CPM: variants seen among roughly 807,000 people sequenced by gnomAD.
CPM encodes renal carboxypeptidase.
Under a neutral mutation model 46.4 loss-of-function variants are expected in CPM, and 35 were observed. The ratio of observed to expected loss-of-function variants is 0.75; its 90% CI spans 0.58 to 1.00. The LOEUF (loss-of-function observed/expected upper bound fraction) is 1.00, where lower values mean the gene tolerates loss of function less well. Ranked by LOEUF, CPM falls within the 50% of genes least tolerant of loss-of-function variation. The pLI is 0.00. For missense variants in CPM, 422 were observed against 530.4 expected (o/e 0.80, Z 2.01); for synonymous variants, 195 against 195.3 (o/e 1.00, Z 0.01).
At chr12:68,940,458 C>A (rs1001545358) in intron 1 of CPM, among the ~76,000 whole-genome samples, 1 of 149,772 alleles carries the variant, frequency 6.7e-6, no homozygotes, top group East Asian at 1.9e-4. Flanking sequence ...CTCCCTCCCC[C>A]AGATTTATAT....
chr12:68,918,635 T>TCCAATCCAACCCAAC, intron 2 of CPM, among the ~76,000 whole-genome samples: 1 of 152,206 alleles, frequency 6.6e-6, no homozygotes, highest in South Asian at 2.1e-4. Flanking sequence ...TCCAATCCAA[T>TCCAATCCAACCCAAC]CCAATCCAAC....
At chr12:68,953,172 T>A (rs886950283) in intron 1 of CPM, among the ~76,000 whole-genome samples, 3 of 152,152 alleles carry the variant, frequency 2.0e-5, no homozygotes, top group African/African-American at 7.2e-5. Flanking sequence ...GGCTCGATAT[T>A]AGAAAGGAGC....
chr12:68,876,886 G>A (rs1795478), intron 3 of CPM, among the ~76,000 whole-genome samples: 7,396 of 135,966 alleles, frequency 0.054, 400 homozygotes, highest in African/African-American at 0.15. Flanking sequence ...GTGTGTGCAC[G>A]CGCATGCGTG....
chr12:68,917,768 C>CT (rs1301123766), intron 2 of CPM, among the ~76,000 whole-genome samples: 2 of 152,190 alleles, frequency 1.3e-5, no homozygotes, highest in Non-Finnish European at 2.9e-5. Context: ...AGTTTGGGGT[C>CT]TGCATCCTGG....
At chr12:68,953,827 G>A (rs1032312257) in intron 1 of CPM, among the ~76,000 whole-genome samples, 2 of 152,210 alleles carry the variant, frequency 1.3e-5, no homozygotes, top group Admixed American at 6.5e-5. Context: ...TTTGTGACAA[G>A]TGAAATAAAA....
chr12:68,862,755 G>C (rs749709783), intron 7 of CPM, among the ~76,000 whole-genome samples: 11 of 151,078 alleles, frequency 7.3e-5, no homozygotes, highest in Non-Finnish European at 1.3e-4. Flanking sequence ...GGAAGTAATT[G>C]TTTTACCAGA....
chr12:68,939,326 T>C (rs1188658276), intron 1 of CPM, among the ~76,000 whole-genome samples: 1 of 147,862 alleles, frequency 6.8e-6, no homozygotes, highest in Non-Finnish European at 1.5e-5. Flanking sequence ...TATATACATA[T>C]TGTATTTATA....
intron 6 of CPM, among the ~76,000 whole-genome samples, chr12:68,868,012 T>G (rs1885531129): frequency 6.6e-6 from 1 of 152,180 alleles, no homozygotes; most frequent in Non-Finnish European, 1.5e-5. Context: ...TGGCTTCACC[T>G]GTTTTTTGTC....
At chr12:68,911,502 G>A (rs538763442) in intron 2 of CPM, among the ~76,000 whole-genome samples, 44 of 152,158 alleles carry the variant, frequency 2.9e-4, no homozygotes, top group Admixed American at 4.6e-4. Context: ...ACCTCATAGG[G>A]TGTTGTGTAG....
At chr12:68,917,554 T>C (rs1228415910) in intron 2 of CPM, among the ~76,000 whole-genome samples, 1 of 152,232 alleles carries the variant, frequency 6.6e-6, no homozygotes, top group Non-Finnish European at 1.5e-5. Flanking sequence ...ACATAGCCAG[T>C]ATGTTTTACT....
intron 8 of CPM, 55 bp downstream of exon 8, chr12:68,858,867 TA>T (rs1227770652): frequency 8.9e-7 from 1 of 1,123,774 alleles, no homozygotes; most frequent in Non-Finnish European, 1.2e-6. Context: ...TCTGGGTGAA[TA>T]AGTATTATGA....
intron 7 of CPM, among the ~76,000 whole-genome samples, chr12:68,864,299 C>T (rs966100376): frequency 3.9e-5 from 6 of 152,016 alleles, no homozygotes; most frequent in East Asian, 1.9e-4. Context: ...CAAAATTAGC[C>T]GGGCATGATG....
At chr12:68,947,919 T>A (rs971527317) in intron 1 of CPM, among the ~76,000 whole-genome samples, 1 of 152,144 alleles carries the variant, frequency 6.6e-6, no homozygotes, top group Non-Finnish European at 1.5e-5. Context: ...TCAACCCATT[T>A]CTAGCATACC....
chr12:68,863,915 C>T (rs1161251851), intron 7 of CPM, among the ~76,000 whole-genome samples: 1 of 152,184 alleles, frequency 6.6e-6, no homozygotes, highest in Non-Finnish European at 1.5e-5. Context: ...TGCCATTCTT[C>T]ACAAACAAAA....
chr12:68,871,416 C>A (rs3817605), intron 4 of CPM, among the ~76,000 whole-genome samples: 2 of 151,682 alleles, frequency 1.3e-5, no homozygotes, highest in Non-Finnish European at 2.9e-5. Context: ...TATGACAGGT[C>A]GAGAGAAAGA....
chr12:68,949,108 C>T (rs1992638), intron 1 of CPM, among the ~76,000 whole-genome samples: 8,352 of 152,234 alleles, frequency 0.055, 750 homozygotes, highest in African/African-American at 0.19. Flanking sequence ...TCTGGGCTCA[C>T]ACCTGTAATC....
At chr12:68,944,316 A>G (rs1348178639) in intron 1 of CPM, among the ~76,000 whole-genome samples, 2 of 152,230 alleles carry the variant, frequency 1.3e-5, no homozygotes, top group Non-Finnish European at 2.9e-5. Flanking sequence ...GAAAGATGAT[A>G]CAGAGATAAG....
intron 2 of CPM, among the ~76,000 whole-genome samples, chr12:68,916,996 T>C (rs1271756021): frequency 6.6e-6 from 1 of 152,172 alleles, no homozygotes; most frequent in Non-Finnish European, 1.5e-5. Flanking sequence ...ATCTGTCATT[T>C]TCCTATCAAG....
At chr12:68,942,811 A>G (rs1043080133) in intron 1 of CPM, among the ~76,000 whole-genome samples, 2 of 152,336 alleles carry the variant, frequency 1.3e-5, no homozygotes, top group African/African-American at 4.8e-5. Context: ...ACTGCACAGC[A>G]TGACCTTCTT....
Sources: allele counts gnomAD v4.1 joint callset (sites outside exome capture counted in the v4.1 genomes callset), GRCh38; gene constraint gnomAD v4.1.1; transcripts MANE v1.5; gene names NCBI Gene and HGNC (gene_info 2026-07-23, HGNC 2026-07-21).